NPAS3: variants seen among roughly 807,000 people sequenced by gnomAD.
NPAS3 encodes the protein neuronal PAS domain-containing protein 3.
NPAS3 carries 14 observed loss-of-function variants against 73.1 expected under a neutral mutation model. The observed-to-expected ratio is 0.19, with a 90% CI of 0.13 to 0.30. NPAS3 has a LOEUF of 0.30. NPAS3 is among the 10% of genes least tolerant of loss of function. The probability of loss-of-function intolerance (pLI) is 1.00; values close to 1 mark genes in which losing one functional copy is unlikely to be tolerated. For missense variants in NPAS3, 1,096 were observed against 1,250.0 expected (o/e 0.88, Z 1.86); for synonymous variants, 620 against 541.5 (o/e 1.14, Z -2.01).
chr14:33,172,715 C>G (rs1386120103), intron 2 of NPAS3, among the ~76,000 whole-genome samples: 1 of 151,562 alleles, frequency 6.6e-6, no homozygotes, highest in East Asian at 1.9e-4. Context: ...CAACTCCAAC[C>G]TGGGTGACAG....
At chr14:33,090,308 C>T (rs1033165464) in intron 2 of NPAS3, among the ~76,000 whole-genome samples, 11 of 152,008 alleles carry the variant, frequency 7.2e-5, no homozygotes, top group African/African-American at 2.4e-4. Flanking sequence ...GGAAGATCTA[C>T]CAAGCAAATG....
intron 3 of NPAS3, among the ~76,000 whole-genome samples, chr14:33,288,481 G>A (rs188106218): frequency 2.1e-4 from 32 of 152,026 alleles, no homozygotes; most frequent in Admixed American, 1.8e-3. Flanking sequence ...TTATTAATAT[G>A]GCAATTTTAC....
intron 7 of NPAS3, among the ~76,000 whole-genome samples, chr14:33,745,642 C>T (rs1214272622): frequency 6.6e-6 from 1 of 152,098 alleles, no homozygotes; most frequent in Non-Finnish European, 1.5e-5. Flanking sequence ...AATTTCTACA[C>T]CTCTGCAGAT....
chr14:33,308,555 C>CACACACACACAT (rs1476052874), intron 3 of NPAS3, among the ~76,000 whole-genome samples: 8 of 90,438 alleles, frequency 8.8e-5, no homozygotes, highest in African/African-American at 3.3e-4. Flanking sequence ...CACACACACA[C>CACACACACACAT]ATACATACAT....
At chr14:32,951,126 A>G (rs988711375) in intron 1 of NPAS3, among the ~76,000 whole-genome samples, 5 of 152,060 alleles carry the variant, frequency 3.3e-5, no homozygotes, top group Admixed American at 1.3e-4. Context: ...GTCTTCCATT[A>G]TCTTTGTAGG....
intron 7 of NPAS3, among the ~76,000 whole-genome samples, chr14:33,752,462 A>G (rs1312324144): frequency 6.6e-6 from 1 of 152,134 alleles, no homozygotes; most frequent in Non-Finnish European, 1.5e-5. Context: ...GCTCTTTTTC[A>G]TGTGCAAAAG....
At chr14:33,402,486 T>C (rs1312474894) in intron 4 of NPAS3, among the ~76,000 whole-genome samples, 1 of 152,106 alleles carries the variant, frequency 6.6e-6, no homozygotes, top group East Asian at 1.9e-4. Flanking sequence ...CCTTACCTTC[T>C]GTTATTCTGG....
chr14:33,530,262 G>A (rs2053981946), intron 4 of NPAS3, among the ~76,000 whole-genome samples: 1 of 152,112 alleles, frequency 6.6e-6, no homozygotes, highest in Admixed American at 6.6e-5. Flanking sequence ...ATTACCTGCA[G>A]AATTTAGTGT....
chr14:33,154,357 T>G (rs1321931639), intron 2 of NPAS3, among the ~76,000 whole-genome samples: 2 of 152,238 alleles, frequency 1.3e-5, no homozygotes, highest in African/African-American at 2.4e-5. Flanking sequence ...AATGTGTGCA[T>G]AATCTTTTTG....
At chr14:33,636,125 A>G (rs117524357) in intron 5 of NPAS3, among the ~76,000 whole-genome samples, 2,611 of 152,188 alleles carry the variant, frequency 0.017, 63 homozygotes, top group East Asian at 0.12. Flanking sequence ...TCTCCACGTT[A>G]GTCAGGCTGG....
At chr14:33,343,754 G>C (rs1566815277) in intron 3 of NPAS3, among the ~76,000 whole-genome samples, 1 of 152,172 alleles carries the variant, frequency 6.6e-6, no homozygotes, top group African/African-American at 2.4e-5. Context: ...TACGTAACAT[G>C]CAGTTGTATA....
chr14:33,616,281 C>T (rs1028760394), intron 5 of NPAS3, among the ~76,000 whole-genome samples: 2 of 152,108 alleles, frequency 1.3e-5, no homozygotes, highest in Non-Finnish European at 2.9e-5. Context: ...TGATGTGCTT[C>T]GTATGAACTT....
At chr14:33,571,399 G>C (rs1160872815) in intron 5 of NPAS3, among the ~76,000 whole-genome samples, 3 of 152,128 alleles carry the variant, frequency 2.0e-5, no homozygotes, top group African/African-American at 4.8e-5. Context: ...GGCGAAGTAG[G>C]CTATTTTATT....
At chr14:33,560,830 T>A (rs1348818688) in intron 5 of NPAS3, among the ~76,000 whole-genome samples, 3 of 152,134 alleles carry the variant, frequency 2.0e-5, no homozygotes, top group South Asian at 4.1e-4. Context: ...GGGACAAAAA[T>A]CCTGGATGTT....
chr14:33,740,016 C>T (rs2061617622), intron 7 of NPAS3, among the ~76,000 whole-genome samples: 1 of 152,150 alleles, frequency 6.6e-6, no homozygotes, highest in Non-Finnish European at 1.5e-5. Context: ...CTCTTCTGTG[C>T]TAAATAGCAT....
chr14:33,510,639 GTT>G (rs2053003865), intron 4 of NPAS3, among the ~76,000 whole-genome samples: 1 of 152,074 alleles, frequency 6.6e-6, no homozygotes, highest in Non-Finnish European at 1.5e-5. Flanking sequence ...GGAAAGAAAA[GTT>G]TGCATTTTCT....
intron 7 of NPAS3, 68 bp downstream of exon 7, chr14:33,735,400 TC>T: frequency 9.1e-7 from 1 of 1,103,032 alleles, no homozygotes; most frequent in Non-Finnish European, 1.4e-6. Context: ...CATTGAATTT[TC>T]CAGCTGCTTT....
At chr14:33,736,927 A>G (rs1004619296) in intron 7 of NPAS3, among the ~76,000 whole-genome samples, 19 of 152,230 alleles carry the variant, frequency 1.2e-4, no homozygotes, top group Non-Finnish European at 2.6e-4. Flanking sequence ...AGCTAAAATT[A>G]ATAACAGCCA....
intron 9 of NPAS3, among the ~76,000 whole-genome samples, chr14:33,791,861 C>T (rs2063368242): frequency 6.6e-6 from 1 of 152,178 alleles, no homozygotes; most frequent in Non-Finnish European, 1.5e-5. Flanking sequence ...TAAAAAGGGG[C>T]TTCTTAGTCT....
Sources: gnomAD v4.1 joint callset for allele counts (sites outside exome capture counted in the v4.1 genomes callset) on GRCh38, gnomAD v4.1.1 for gene constraint, MANE v1.5 for transcripts, NCBI Gene and HGNC (gene_info 2026-07-23, HGNC 2026-07-21) for gene names.